Variants in FBXW11 observed in about 807,000 individuals in gnomAD.
The protein encoded by FBXW11 is F-box and WD repeat domain containing 11.
Under a neutral mutation model 77.6 loss-of-function variants are expected in FBXW11, and 19 were observed. The ratio of observed to expected loss-of-function variants is 0.24; its 90% CI spans 0.17 to 0.36. The LOEUF is 0.36. Ranked by LOEUF, FBXW11 falls within the 10% of genes least tolerant of loss-of-function variation. The pLI is 1.00. For synonymous variants in FBXW11, 235 were observed against 249.4 expected, an observed-to-expected ratio of 0.94 and a Z score of 0.54; for missense variants, 334 against 704.2, an observed-to-expected ratio of 0.47 and a Z score of 5.95.
In FBXW11 at chr5:171,969,117, A is replaced by C. The variant is rs1764384683; in HGVS notation, c.46-11419T>G. 4.6e-5 allele frequency among the ~76,000 whole-genome samples: 7 copies of C among 152,234 alleles called. 1 individual carries two copies. In the South Asian group the frequency reaches 1.2e-3, roughly 27 times the overall value. The stretch of plus-strand genomic sequence containing the variant: ...ACCCTGTCTCTACTAAAAAAACAAA[A>C]ATTAGCCAGGCGTGGTGGCACATGC... On this transcript the variant is annotated intron_variant, in intron 1 of 13. Transcript: ENST00000517395.
chr5:171,998,964 C>CT (rs1766246330), intron 1 of FBXW11, among the ~76,000 whole-genome samples: 3 of 152,108 alleles, frequency 2.0e-5, no homozygotes, highest in Non-Finnish European at 4.4e-5. Flanking sequence ...GGCAATGACT[C>CT]TTAAAGATGT....
chr5:171,923,211 C>T (rs763834167), intron 2 of FBXW11, among the ~76,000 whole-genome samples: 11 of 152,106 alleles, frequency 7.2e-5, no homozygotes, highest in Non-Finnish European at 1.3e-4. Flanking sequence ...CCACACCCAG[C>T]CTGGATAACA....
chr5:171,871,033 C>T (rs1757724035), intron 10 of FBXW11, among the ~76,000 whole-genome samples, 175 bp from the exon 11 acceptor site: 1 of 152,172 alleles, frequency 6.6e-6, no homozygotes, highest in African/African-American at 2.4e-5. Context: ...ACATTTATAC[C>T]ATCTGTGTGT....
At chr5:171,910,222 C>A (rs548257170) in intron 4 of FBXW11, among the ~76,000 whole-genome samples, 12 of 151,978 alleles carry the variant, frequency 7.9e-5, no homozygotes, top group Non-Finnish European at 1.2e-4. Flanking sequence ...TCTGCCACCA[C>A]CCCCGGCTAA....
chr5:171,922,556 A>C (rs920207633), intron 2 of FBXW11, among the ~76,000 whole-genome samples: 2 of 152,232 alleles, frequency 1.3e-5, no homozygotes, highest in African/African-American at 2.4e-5. Flanking sequence ...ATATGTGCTC[A>C]TACATTAACA....
At chr5:171,988,348 C>A (rs911719273) in intron 1 of FBXW11, among the ~76,000 whole-genome samples, 23 of 149,924 alleles carry the variant, frequency 1.5e-4, no homozygotes, top group South Asian at 1.3e-3. Context: ...AACAAACAAA[C>A]AAAAAAAACA....
chr5:171,935,140 G>A (rs1762408735), intron 2 of FBXW11, among the ~76,000 whole-genome samples: 1 of 152,142 alleles, frequency 6.6e-6, no homozygotes. Context: ...TGTATTTTTA[G>A]TAGAGACGGG....
rs564213200 is a variant in FBXW11, at chr5:171,950,908, A to AT, written c.147+6688dup. On this transcript the variant is annotated intron_variant, in intron 2 of 13. Transcript: ENST00000517395. ...TCTCAAAAAAATACATAAATAAATA[A>AT]TTTTTTTTTAATTTAAATGAGGGAA... Among the ~76,000 whole-genome samples, 54 of 151,588 alleles carry AT rather than the reference A, an allele frequency of 3.6e-4. No individual in the cohort carries two copies. In the East Asian group the frequency reaches 7.0e-3, roughly 20 times the overall value.
chr5:171,968,157 C>T (rs1764321151), intron 1 of FBXW11, among the ~76,000 whole-genome samples: 1 of 151,950 alleles, frequency 6.6e-6, no homozygotes. Context: ...AGGGTTAGGA[C>T]AGCTATAAGA....
chr5:171,875,528 G>A (rs541545856), intron 9 of FBXW11, among the ~76,000 whole-genome samples: 13 of 152,158 alleles, frequency 8.5e-5, no homozygotes, highest in Non-Finnish European at 1.6e-4. Context: ...CAATGGTAAT[G>A]TTATAGAATG....
At chr5:171,883,842 G>T (rs1229651632) in intron 7 of FBXW11, among the ~76,000 whole-genome samples, 2 of 151,990 alleles carry the variant, frequency 1.3e-5, no homozygotes, top group African/African-American at 4.8e-5. Flanking sequence ...CCCACTTTTT[G>T]ATGGGATTGT....
chr5:171,952,604 C>G (rs1157853650), intron 2 of FBXW11, among the ~76,000 whole-genome samples: 3 of 149,822 alleles, frequency 2.0e-5, no homozygotes, highest in Non-Finnish European at 4.5e-5. Flanking sequence ...AGGCGCCCAT[C>G]ATCATGCCCA....
At position 171,914,334 on chromosome 5, in the gene FBXW11, C is replaced by G; in HGVS notation, c.210+9G>C. 1.9e-6 allele frequency: 3 copies of G among 1,600,848 alleles called. No individual in the cohort carries two copies. The highest frequency in any genetic ancestry group is 2.6e-6 in the Non-Finnish European group (3 of 1,173,884). ...AGTTGCTATCTAATCTGTGCGCCGT[C>G]ATTCCTACCTGCCAAAGAGTATTTT... On this transcript the variant is annotated intron_variant, in intron 3 of 13. Coordinates refer to ENST00000517395, the MANE Select transcript of FBXW11 (RefSeq NM_001378974.1).
chr5:172,006,551 C>T lies in FBXW11; in HGVS notation c.-49G>A, dbSNP rs570486782. The T allele has an allele frequency of 1.0e-5, 15 of 1,470,638 alleles. 1 individual carries two copies. The South Asian group carries it at 1.6e-4, about 16-fold the overall frequency. The allele number at this position is 1,470,638 out of a possible 1,614,324, so 91.1% of individuals were successfully genotyped here. A position where few individuals can be genotyped will look rare whatever the true frequency, so the allele number is the denominator to read the frequency against. On this transcript the variant is annotated 5_prime_UTR_variant, in exon 1 of 14. Transcript: ENST00000517395. ...GCTCTCCCCGCGCAGCAGCGAACGG[C>T]CCGGGCGGAGGAGGCGACGGCGGAG...
chr5:171,877,251 T>C (rs1758150813), intron 8 of FBXW11, among the ~76,000 whole-genome samples: 1 of 152,056 alleles, frequency 6.6e-6, no homozygotes, highest in African/African-American at 2.4e-5. Context: ...GTAGATTTTG[T>C]ATTGAGTCTG....
chr5:171,965,856 G>A (rs1764156488), intron 1 of FBXW11, among the ~76,000 whole-genome samples: 1 of 151,976 alleles, frequency 6.6e-6, no homozygotes, highest in Admixed American at 6.5e-5. Context: ...TAATCCCCAC[G>A]TGTCAGGGGA....
chr5:171,993,317 T>C (rs763280463), intron 1 of FBXW11, among the ~76,000 whole-genome samples: 27 of 151,992 alleles, frequency 1.8e-4, no homozygotes, highest in Admixed American at 5.9e-4. Context: ...AATCTGCCTA[T>C]CAAAAAACAA....
At chr5:171,937,846 A>C (rs1309474930) in intron 2 of FBXW11, among the ~76,000 whole-genome samples, 1 of 151,878 alleles carries the variant, frequency 6.6e-6, no homozygotes, top group Non-Finnish European at 1.5e-5. Context: ...GCAAAAAAAA[A>C]AAAAAAAGGA....
rs573221234 is a variant in FBXW11, at chr5:171,884,059, T to C, written c.853-5930A>G. ...TTAGTTTAATTAGGTCCCAGCTATT[T>C]ATCTTTGTTTTTGTAGTATTTGCTT... On this transcript the variant is annotated intron_variant, in intron 7 of 13. Transcript: ENST00000517395. 2.9e-5 allele frequency among the ~76,000 whole-genome samples: 4 copies of C among 137,132 alleles called. No homozygotes were observed. The Admixed American group carries it at 3.2e-4, about 11-fold the overall frequency. 90.0% of individuals were successfully genotyped at this position (137,132 alleles called of 152,430 possible).
Sources: allele counts gnomAD v4.1 joint callset (sites outside exome capture counted in the v4.1 genomes callset), GRCh38; gene constraint gnomAD v4.1.1; transcripts MANE v1.5; gene names NCBI Gene and HGNC (gene_info 2026-07-23, HGNC 2026-07-21).